KIDINS220: variants seen among roughly 807,000 people sequenced by gnomAD.
KIDINS220 encodes kinase D-interacting substrate of 220 kDa.
KIDINS220 carries 63 observed loss-of-function variants against 157.6 expected under a neutral mutation model. The ratio of observed to expected loss-of-function variants is 0.40; its 90% CI spans 0.33 to 0.49. The LOEUF is 0.49. Ranked by LOEUF, KIDINS220 falls within the 20% of genes least tolerant of loss-of-function variation. The pLI, the probability that KIDINS220 is intolerant of heterozygous loss-of-function variation, is 0.66. For synonymous variants in KIDINS220, 732 were observed against 783.6 expected (o/e 0.93, Z 1.10); for missense variants, 1,772 against 2,171.2 (o/e 0.82, Z 3.65).
Position 8,751,648 on chromosome 2 carries a change from C to T in KIDINS220, c.3012-4G>A, listed in dbSNP as rs368459869. ...TGTTGGAATATTCTTTGATATTCTTCAAATAAGAAATCAATGAAAAAGGTT... is the reference window on the plus strand; with the variant it reads ...TGTTGGAATATTCTTTGATATTCTTTAAATAAGAAATCAATGAAAAAGGTT... On this transcript the variant is annotated splice_polypyrimidine_tract_variant and splice_region_variant and intron_variant, in intron 22 of 29. Coordinates refer to ENST00000256707, the MANE Select transcript of KIDINS220 (RefSeq NM_020738.4). The T allele has an allele frequency of 1.2e-5, 19 of 1,565,708 alleles. No homozygotes were observed. In the African/African-American group the frequency reaches 1.8e-4, roughly 15 times the overall value.
At chr2:8,788,589 A>C in intron 15 of KIDINS220, 58 bp downstream of exon 15, 2 of 1,552,608 alleles carry the variant, frequency 1.3e-6, no homozygotes, top group Non-Finnish European at 1.8e-6. Flanking sequence ...TTCCGAAGTG[A>C]AAAATATTTT....
chr2:8,734,219 T>C (rs1036964714), intron 28 of KIDINS220, among the ~76,000 whole-genome samples: 1 of 147,184 alleles, frequency 6.8e-6, no homozygotes, highest in African/African-American at 2.5e-5. Context: ...CACCTGGGGG[T>C]GGGGGGGTTA....
rs549291740 is a variant in KIDINS220, at chr2:8,729,722, G to C, written c.*998C>G. On this transcript the variant is annotated 3_prime_UTR_variant, in exon 30 of 30. Transcript: ENST00000256707. ...GATGAAGTAGATAAAGTCTATCCTA[G>C]TATAGAGAGCAATGATTTAGTTTTA... The C allele has an allele frequency of 1.0e-6, 1 of 984,282 alleles. No homozygotes were observed. The highest frequency in any genetic ancestry group is 1.2e-6 in the Non-Finnish European group (1 of 828,956). The allele number at this position is 984,282 out of a possible 1,614,324, so 61.0% of individuals were successfully genotyped here. A position where few individuals can be genotyped will look rare whatever the true frequency, so the allele number is the denominator to read the frequency against.
chr2:8,827,262 C>T (rs943804125), intron 1 of KIDINS220, 133 bp from the exon 2 acceptor site: 8 of 478,788 alleles, frequency 1.7e-5, no homozygotes, highest in African/African-American at 1.2e-4. Flanking sequence ...CGACTTCCCA[C>T]GGCTTCCATA....
At chr2:8,791,526 C>G (rs1673191084) in intron 12 of KIDINS220, among the ~76,000 whole-genome samples, 1 of 152,068 alleles carries the variant, frequency 6.6e-6, no homozygotes, top group Admixed American at 6.5e-5. Context: ...TTATGTATAA[C>G]TAAGAAAGAA....
At chr2:8,805,526 A>G (rs1440665028) in intron 7 of KIDINS220, among the ~76,000 whole-genome samples, 2 of 152,224 alleles carry the variant, frequency 1.3e-5, no homozygotes, top group East Asian at 3.9e-4. Context: ...CATCTTTATC[A>G]CTCTGGAACT....
intron 5 of KIDINS220, among the ~76,000 whole-genome samples, 175 bp downstream of exon 5, chr2:8,813,062 T>A (rs1676547243): frequency 6.6e-6 from 1 of 152,222 alleles, no homozygotes; most frequent in African/African-American, 2.4e-5. Flanking sequence ...AATTGAGAAA[T>A]ACTTAGCTTT....
chr2:8,727,606 G>GA (rs1001178399), downstream of KIDINS220, among the ~76,000 whole-genome samples: 24 of 152,186 alleles, frequency 1.6e-4, no homozygotes, highest in African/African-American at 4.6e-4. Flanking sequence ...GTATTTGTAA[G>GA]AAAAAAATCA....
In KIDINS220 at chr2:8,796,779, C is replaced by T. The variant is rs1674002237; in HGVS notation, c.1090G>A (p.Val364Ile). ...CCGCACAGATGTTTTACCTTATCTA[C>T]AGCAGACACTTTAGCACCTTTATCT... ...LLDKGAKVSA[V>I]DKKGDTPLHI... Residue 364 changes from valine to isoleucine, a missense_variant, in exon 11 of 30, where the codon GTA (valine) becomes ATA (isoleucine). This residue lies in a region of KIDINS220 where 725 missense variants were observed against 1,017.1 expected (regional missense o/e 0.71). Transcript: ENST00000256707. 6.2e-7 allele frequency: 1 copy of T among 1,612,956 alleles called. No individual in the cohort carries two copies. The highest frequency in any genetic ancestry group is 1.3e-5 in the African/African-American group (1 of 74,894).
At chr2:8,831,475 G>A (rs1323714519) in intron 1 of KIDINS220, among the ~76,000 whole-genome samples, 1 of 152,102 alleles carries the variant, frequency 6.6e-6, no homozygotes, top group African/African-American at 2.4e-5. Flanking sequence ...ATATATGCCT[G>A]AACAGCTCCT....
At chr2:8,835,752 C>T (rs1680303655) in intron 1 of KIDINS220, among the ~76,000 whole-genome samples, 1 of 151,582 alleles carries the variant, frequency 6.6e-6, no homozygotes, top group Admixed American at 6.6e-5. Flanking sequence ...TCATTCAATC[C>T]TATTATCTCC....
Position 8,778,956 on chromosome 2 carries a change from C to T in KIDINS220, c.2554G>A (p.Ala852Thr), listed in dbSNP as rs1671334886. The change falls in exon 19 of 30, where the codon GCA becomes ACA. Residue 852 changes from alanine (A) to threonine (T), a missense_variant. Physicochemically the swap from Ala to Thr is moderately conservative, Grantham distance 58. Coordinates refer to ENST00000256707, the MANE Select transcript of KIDINS220 (RefSeq NM_020738.4). The stretch of plus-strand genomic sequence containing the variant: ...GCTGAAGTTACGAGAAATTTTCTTG[C>T]ATTGCTTAGTCCACGACTATTAAGG... ...VFLNSRGLSN[A>T]RKFLVTSATN... 1 of 1,614,008 alleles carries T rather than the reference C, an allele frequency of 6.2e-7. No individual in the cohort carries two copies. Among genetic ancestry groups the T allele is most frequent in the Admixed American group, 1.7e-5 (1 of 59,996 alleles).
chr2:8,782,297 T>C (rs1671825875), intron 17 of KIDINS220, among the ~76,000 whole-genome samples: 1 of 151,828 alleles, frequency 6.6e-6, no homozygotes, highest in Non-Finnish European at 1.5e-5. Context: ...CAATAAGCCT[T>C]GGACTAACTA....
At chr2:8,751,175 A>G (rs1374117944) in intron 23 of KIDINS220, among the ~76,000 whole-genome samples, 2 of 124,638 alleles carry the variant, frequency 1.6e-5, no homozygotes, top group Non-Finnish European at 3.3e-5. Context: ...CAAAGTTCCA[A>G]AGGAAGGACT....
intron 1 of KIDINS220, among the ~76,000 whole-genome samples, chr2:8,829,858 C>T (rs1679353470): frequency 6.6e-6 from 1 of 151,890 alleles, no homozygotes; most frequent in Admixed American, 6.6e-5. Flanking sequence ...CATTTATTCC[C>T]ACTCCTTCTA....
chr2:8,833,517 G>T (rs1679957288), intron 1 of KIDINS220, among the ~76,000 whole-genome samples: 1 of 148,000 alleles, frequency 6.8e-6, no homozygotes. Context: ...TGCTGGAATG[G>T]GACATATTTA....
Position 8,750,196 on chromosome 2 carries a change from G to C in KIDINS220, c.3330C>G (p.Pro1110=). 6.2e-7 allele frequency: 1 copy of C among 1,614,190 alleles called. No homozygotes were observed. The highest frequency in any genetic ancestry group is 8.5e-7 in the Non-Finnish European group (1 of 1,180,040). The change falls in exon 24 of 30, where the codon CCC becomes CCG. Residue 1110 remains proline, a synonymous_variant. Coordinates refer to ENST00000256707, the MANE Select transcript of KIDINS220 (RefSeq NM_020738.4). ...GTGGTGACACCACTCCACCTGCGAA[G>C]GGCCCATTGAAGGACGTGGAAGAGC... is the stretch of plus-strand genomic sequence containing the variant. The part of the protein sequence containing the change: ...SVCSSTSFNG[P]FAGGVVSPQP...
In KIDINS220 at chr2:8,770,606, G is replaced by GT. The variant is rs57679000; in HGVS notation, c.3011+63dup. On this transcript the variant is annotated intron_variant, in intron 22 of 29. Coordinates refer to ENST00000256707, the MANE Select transcript of KIDINS220 (RefSeq NM_020738.4). ...ATTTTGTATTGTCTGCTTTATACGC[G>GT]TTTTTTTTTTTTTTTTAACTCAACC... is the stretch of plus-strand genomic sequence containing the variant. 0.083 allele frequency: 59,820 copies of GT among 716,738 alleles called. 1,147 individuals carry two copies. Among genetic ancestry groups the GT allele is most frequent in the African/African-American group, 0.18 (9,062 of 51,082 alleles). The allele number at this position is 716,738 out of a possible 1,614,324, so 44.4% of individuals were successfully genotyped here.
intron 22 of KIDINS220, among the ~76,000 whole-genome samples, chr2:8,759,366 C>T (rs575521221): frequency 6.6e-5 from 10 of 151,702 alleles, no homozygotes; most frequent in Middle Eastern, 3.4e-3. Flanking sequence ...AGAGTTTACT[C>T]GACATTAAAC....
Sources: allele counts gnomAD v4.1 joint callset (sites outside exome capture counted in the v4.1 genomes callset), GRCh38; gene constraint gnomAD v4.1.1; regional missense constraint gnomAD v4.1.1; transcripts MANE v1.5; gene names NCBI Gene and HGNC (gene_info 2026-07-23, HGNC 2026-07-21).